The following GPHN variants were observed in gnomAD, a reference collection of about 807,000 sequenced individuals.
GPHN encodes the protein gephyrin.
In GPHN, 17 loss-of-function variants were observed where a neutral mutation model predicts 95.5. The observed-to-expected ratio is 0.18, with a 90% confidence interval of 0.12 to 0.27. The LOEUF (loss-of-function observed/expected upper bound fraction) is 0.27. GPHN is among the 10% of genes least tolerant of loss of function. GPHN has a pLI of 1.00. For missense variants in GPHN, 660 were observed against 978.1 expected (o/e 0.67, Z 4.34); for synonymous variants, 320 against 322.5 (o/e 0.99, Z 0.08).
At chr14:67,088,515 A>G (rs745644510) in intron 11 of GPHN, among the ~76,000 whole-genome samples, 51 of 152,108 alleles carry the variant, frequency 3.4e-4, no homozygotes, top group Non-Finnish European at 6.2e-4. Context: ...TTAAGTACCT[A>G]TATTGTTGAT....
the GPHN span, among the ~76,000 whole-genome samples, chr14:67,188,069 G>T: frequency 6.6e-6 from 1 of 152,136 alleles, no homozygotes; most frequent in Non-Finnish European, 1.5e-5. Flanking sequence ...ACTCACCAGG[G>T]ACTGAATGTG....
intron 2 of GPHN, among the ~76,000 whole-genome samples, chr14:66,685,002 T>A (rs1482205539): frequency 6.6e-6 from 1 of 152,188 alleles, no homozygotes; most frequent in African/African-American, 2.4e-5. Flanking sequence ...ATGCGGTGTT[T>A]GTTTTTTTGT....
At chr14:67,202,297 C>T in the GPHN span, among the ~76,000 whole-genome samples, 4 of 152,080 alleles carry the variant, frequency 2.6e-5, no homozygotes, top group Admixed American at 6.6e-5. Context: ...AAAAATTAGC[C>T]GGGCTTGGTG....
the GPHN span, among the ~76,000 whole-genome samples, chr14:67,500,043 A>G: frequency 1.3e-5 from 2 of 152,146 alleles, no homozygotes; most frequent in Non-Finnish European, 2.9e-5. Context: ...TTTTGCATCA[A>G]AAAAGTGAAT....
At chr14:67,388,473 C>A in the GPHN span, among the ~76,000 whole-genome samples, 799 of 152,306 alleles carry the variant, frequency 5.2e-3, 5 homozygotes, top group Non-Finnish European at 9.2e-3. Flanking sequence ...AGTAAGGAAG[C>A]TTGGGCCTCT....
chr14:67,034,800 G>A (rs544724598), intron 10 of GPHN, among the ~76,000 whole-genome samples: 356 of 152,122 alleles, frequency 2.3e-3, no homozygotes, highest in African/African-American at 7.8e-3. Flanking sequence ...ATTGACAGGC[G>A]TGAAGGGAGA....
chr14:67,392,982 C>A, the GPHN span: 1 of 867,246 alleles, frequency 1.2e-6, no homozygotes, highest in African/African-American at 1.7e-5. Flanking sequence ...GAAGGCCACA[C>A]CTGCTGCATA....
intron 9 of GPHN, among the ~76,000 whole-genome samples, chr14:66,999,095 C>T (rs969541631): frequency 2.6e-5 from 4 of 151,786 alleles, no homozygotes; most frequent in African/African-American, 9.7e-5. Context: ...AAGTGAGTGG[C>T]AGAAAATTGT....
At chr14:67,626,111 G>A in the GPHN span, among the ~76,000 whole-genome samples, 2 of 151,990 alleles carry the variant, frequency 1.3e-5, no homozygotes, top group Non-Finnish European at 2.9e-5. Context: ...AAAATTAGCC[G>A]GATGTGGTGG....
intron 8 of GPHN, among the ~76,000 whole-genome samples, chr14:66,963,761 C>G (rs2069128415): frequency 1.3e-5 from 2 of 151,858 alleles, no homozygotes; most frequent in Admixed American, 1.3e-4. Context: ...TGTTTATAAA[C>G]CATATAAAAT....
At chr14:66,861,324 G>A (rs1596183121) in intron 4 of GPHN, among the ~76,000 whole-genome samples, 1 of 151,900 alleles carries the variant, frequency 6.6e-6, no homozygotes, top group Admixed American at 6.6e-5. Flanking sequence ...TGAACCCAAT[G>A]CTGGAGCATA....
intron 5 of GPHN, among the ~76,000 whole-genome samples, chr14:66,902,177 C>T (rs902463330): frequency 1.3e-5 from 2 of 151,856 alleles, no homozygotes; most frequent in Non-Finnish European, 2.9e-5. Flanking sequence ...GGATTGTTCA[C>T]TATTGGTATA....
chr14:67,577,346 G>T, the GPHN span: 8 of 1,585,850 alleles, frequency 5.0e-6, no homozygotes, highest in Non-Finnish European at 6.9e-6. Context: ...CAGCAAAGAC[G>T]GCCTATACGC....
the GPHN span, among the ~76,000 whole-genome samples, chr14:67,717,418 G>T: frequency 6.6e-6 from 1 of 152,222 alleles, no homozygotes; most frequent in African/African-American, 2.4e-5. Flanking sequence ...TAGATGGCCA[G>T]CATCCTAGGC....
At chr14:67,664,186 C>T in the GPHN span, among the ~76,000 whole-genome samples, 2 of 152,162 alleles carry the variant, frequency 1.3e-5, no homozygotes, top group Non-Finnish European at 1.5e-5. Context: ...GAGGGTATAG[C>T]TTAGTGGCTA....
At chr14:67,639,551 G>A in the GPHN span, among the ~76,000 whole-genome samples, 1 of 152,020 alleles carries the variant, frequency 6.6e-6, no homozygotes, top group Non-Finnish European at 1.5e-5. Context: ...GAACCTAATG[G>A]TTGATGTGAT....
the GPHN span, among the ~76,000 whole-genome samples, chr14:67,188,634 G>A: frequency 2.0e-5 from 3 of 152,120 alleles, no homozygotes; most frequent in East Asian, 3.9e-4. Context: ...TAGAATAGGC[G>A]AAACAGAGCA....
At chr14:67,316,434 C>A in the GPHN span, among the ~76,000 whole-genome samples, 1 of 152,072 alleles carries the variant, frequency 6.6e-6, no homozygotes, top group Non-Finnish European at 1.5e-5. Context: ...GTGATGAATG[C>A]GCACATGTTG....
rs564227488 is a variant in GPHN at position 67,037,855 on chromosome 14, G to A, written c.1006+14180G>A. 2.0e-5 allele frequency among the ~76,000 whole-genome samples: 3 copies of A among 151,774 alleles called. No individual in the cohort carries two copies. The South Asian group carries it at 6.2e-4, about 32-fold the overall frequency. The stretch of plus-strand genomic sequence containing the variant: ...TGGAACCCTTGTGCCCTGTTGGTAG[G>A]TTTGTGAAATGTTGCAGCTGCTACA... On this transcript the variant is annotated intron_variant, in intron 10 of 22. Transcript: ENST00000478722.
Sources: allele counts gnomAD v4.1 joint callset (sites outside exome capture counted in the v4.1 genomes callset), GRCh38; gene constraint gnomAD v4.1.1; transcripts MANE v1.5; gene names NCBI Gene and HGNC (gene_info 2026-07-23, HGNC 2026-07-21).